The following LRIG1 variants were observed in gnomAD, a reference collection of about 807,000 sequenced individuals.
LRIG1 encodes leucine-rich repeats and immunoglobulin-like domains protein 1.
In LRIG1, 48 loss-of-function variants were observed where a neutral mutation model predicts 99.2. That is an observed-to-expected ratio of 0.48 (90% CI 0.38 to 0.62). The LOEUF (loss-of-function observed/expected upper bound fraction) is 0.62. Ranked by LOEUF, LRIG1 falls within the 20% of genes least tolerant of loss-of-function variation. LRIG1 has a pLI of 0.00. For missense variants in LRIG1, 1,646 were observed against 1,434.4 expected, an observed-to-expected ratio of 1.15 and a Z score of -2.38; for synonymous variants, 772 against 596.1, an observed-to-expected ratio of 1.29 and a Z score of -4.30.
chr3:66,413,581 A>G (rs1420377633), intron 5 of LRIG1, among the ~76,000 whole-genome samples: 1 of 152,196 alleles, frequency 6.6e-6, no homozygotes, highest in East Asian at 1.9e-4. Flanking sequence ...AGTCATATAC[A>G]CTTGGCTTCT....
intron 11 of LRIG1, among the ~76,000 whole-genome samples, chr3:66,395,024 G>T (rs567218338): frequency 6.6e-6 from 1 of 152,246 alleles, no homozygotes; most frequent in East Asian, 1.9e-4. Context: ...AACAGAAATC[G>T]GAATCGCCAT....
chr3:66,386,129 G>A lies in LRIG1; in HGVS notation c.1641C>T (p.His547=), dbSNP rs781101376. 22 of 1,614,048 alleles carry A rather than the reference G, an allele frequency of 1.4e-5. No homozygotes were observed. Among genetic ancestry groups the A allele is most frequent in the South Asian group, 6.6e-5 (6 of 91,074 alleles). ...LTNADMENFV[H]VHAQDGEVME... is the part of the protein sequence containing the mutation. Reference sequence around the variant, plus strand: ...TCACTTCCCCGTCCTGCGCGTGGACGTGGACAAAGTTCTCCATGTCTGCAT... The same window carrying A: ...TCACTTCCCCGTCCTGCGCGTGGACATGGACAAAGTTCTCCATGTCTGCAT... Residue 547 remains histidine, a synonymous_variant, in exon 13 of 19, where the codon CAC becomes CAT. Coordinates refer to ENST00000273261, the MANE Select transcript of LRIG1 (RefSeq NM_015541.3).
At chr3:66,385,330 C>T (rs564518355) in intron 13 of LRIG1, among the ~76,000 whole-genome samples, 1 of 152,322 alleles carries the variant, frequency 6.6e-6, no homozygotes, top group African/African-American at 2.4e-5. Context: ...GTGCCATCTA[C>T]TCAAAGAACA....
chr3:66,499,437 T>A (rs1273181088), intron 1 of LRIG1, among the ~76,000 whole-genome samples: 2 of 152,248 alleles, frequency 1.3e-5, no homozygotes, highest in East Asian at 3.9e-4. Context: ...CACTGGATCA[T>A]CAAGCCCAAT....
At chr3:66,421,483 G>C (rs959317661) in intron 3 of LRIG1, among the ~76,000 whole-genome samples, 1 of 152,168 alleles carries the variant, frequency 6.6e-6, no homozygotes, top group Admixed American at 6.5e-5. Context: ...ATCCAGCGGG[G>C]CAGTCATGTC....
chr3:66,384,997 C>A (rs192851903), intron 13 of LRIG1, among the ~76,000 whole-genome samples: 1 of 152,164 alleles, frequency 6.6e-6, no homozygotes, highest in African/African-American at 2.4e-5. Flanking sequence ...GAAGGTGTTT[C>A]GCTGTGATCT....
chr3:66,419,398 C>G (rs969890487), intron 3 of LRIG1, among the ~76,000 whole-genome samples: 4 of 152,172 alleles, frequency 2.6e-5, no homozygotes, highest in Non-Finnish European at 4.4e-5. Context: ...CTCTTTCACC[C>G]GCTGGGAAAG....
intron 12 of LRIG1, 115 bp from the exon 13 acceptor site, chr3:66,386,416 G>A (rs1235196452): frequency 4.7e-6 from 4 of 855,414 alleles, no homozygotes; most frequent in African/African-American, 1.7e-5. Flanking sequence ...AGAGCTTGAG[G>A]TCCCTGTGCA....
chr3:66,416,764 T>C (rs1442304756), intron 4 of LRIG1, among the ~76,000 whole-genome samples: 1 of 152,204 alleles, frequency 6.6e-6, no homozygotes, highest in African/African-American at 2.4e-5. Context: ...CCATCCTCCC[T>C]GAATCTCCTC....
At chr3:66,426,656 A>G (rs1275400887) in intron 3 of LRIG1, among the ~76,000 whole-genome samples, 1 of 152,164 alleles carries the variant, frequency 6.6e-6, no homozygotes, top group East Asian at 1.9e-4. Flanking sequence ...TCTCTCTACC[A>G]CTGTTATGTT....
rs144062290 is a variant in LRIG1 at position 66,383,322 on chromosome 3, C to A, written c.2151G>T (p.Thr717=). The A allele has an allele frequency of 6.2e-7, 1 of 1,602,226 alleles. No individual in the cohort carries two copies. Among genetic ancestry groups the A allele is most frequent in the South Asian group, 1.1e-5 (1 of 90,506 alleles). Residue 717 remains threonine, a synonymous_variant, in exon 15 of 19, where the codon ACG becomes ACT. Transcript: ENST00000273261. ...GETVALQCKA[T]GNPPPRITWF... ...AGGTGATGCGGGGCGGAGGGTTCCC[C>A]GTGGCTTTGCATTGGAGGGCCACTG...
intron 1 of LRIG1, among the ~76,000 whole-genome samples, chr3:66,470,382 A>C (rs12635307): frequency 0.74 from 111,933 of 152,208 alleles, 47,648 homozygotes; most frequent in Non-Finnish European, 0.96. Context: ...TAAGCCTAGA[A>C]GAAGAGCATG....
chr3:66,468,521 T>A (rs1700526608), intron 1 of LRIG1, among the ~76,000 whole-genome samples: 1 of 152,208 alleles, frequency 6.6e-6, no homozygotes, highest in African/African-American at 2.4e-5. Context: ...CGCCACAGTA[T>A]TTTGCATATT....
At position 66,420,486 on chromosome 3, in the gene LRIG1, G is replaced by A. The variant is rs547253835; in HGVS notation, c.366-3220C>T. Among the ~76,000 whole-genome samples the A allele has an allele frequency of 3.3e-5, 5 of 152,284 alleles. No homozygotes were observed. In the South Asian group the frequency reaches 1.0e-3, roughly 32 times the overall value. ...CTGCATATCTAAATAACTGAAAGCAGACCTCAAAGAGACATGTGTATCCTC... is the reference window on the plus strand; with the variant it reads ...CTGCATATCTAAATAACTGAAAGCAAACCTCAAAGAGACATGTGTATCCTC... On this transcript the variant is annotated intron_variant, in intron 3 of 18. Coordinates refer to ENST00000273261, the MANE Select transcript of LRIG1 (RefSeq NM_015541.3).
At chr3:66,411,806 A>G (rs1702477881) in intron 6 of LRIG1, among the ~76,000 whole-genome samples, 1 of 152,214 alleles carries the variant, frequency 6.6e-6, no homozygotes, top group Admixed American at 6.5e-5. Flanking sequence ...GTGGATAAGT[A>G]AAGACAGTGG....
chr3:66,435,403 A>G (rs1575689218), intron 3 of LRIG1, among the ~76,000 whole-genome samples: 1 of 115,866 alleles, frequency 8.6e-6, no homozygotes, highest in South Asian at 2.6e-4. Context: ...TACTAAAAAC[A>G]AAAAACAAAA....
At chr3:66,380,952 A>G in intron 17 of LRIG1, 91 bp from the exon 18 acceptor site, 1 of 1,351,214 alleles carries the variant, frequency 7.4e-7, no homozygotes, top group Non-Finnish European at 1.0e-6. Flanking sequence ...CCACTGTGCA[A>G]GGTGAGAACC....
At chr3:66,406,819 C>T (rs1223329232) in intron 8 of LRIG1, among the ~76,000 whole-genome samples, 1 of 152,202 alleles carries the variant, frequency 6.6e-6, no homozygotes, top group African/African-American at 2.4e-5. Context: ...CAAGGAGAGA[C>T]ACAGGATTCC....
intron 3 of LRIG1, among the ~76,000 whole-genome samples, chr3:66,428,978 A>T (rs1703068712): frequency 1.3e-5 from 2 of 152,208 alleles, no homozygotes; most frequent in Non-Finnish European, 2.9e-5. Context: ...ATTCAGGTGG[A>T]GACTGGATAA....
Sources: allele counts gnomAD v4.1 joint callset (sites outside exome capture counted in the v4.1 genomes callset), GRCh38; gene constraint gnomAD v4.1.1; transcripts MANE v1.5; gene names NCBI Gene and HGNC (gene_info 2026-07-23, HGNC 2026-07-21).